Variants in HPSE2 observed in about 807,000 individuals in gnomAD.
HPSE2 encodes the protein inactive heparanase-2.
A neutral mutation model predicts 60.5 loss-of-function variants in HPSE2; 38 were observed. That is an observed-to-expected ratio of 0.63 (90% CI 0.48 to 0.82). HPSE2 has a LOEUF of 0.82. Among genes scored for constraint, HPSE2 ranks in the 40% least tolerant of loss-of-function variants. The pLI, the probability that HPSE2 is intolerant of heterozygous loss-of-function variation, is 0.00. For missense variants in HPSE2, 713 were observed against 740.4 expected (o/e 0.96, Z 0.43); for synonymous variants, 295 against 293.2 (o/e 1.01, Z -0.06).
chr10:99,093,847 C>T lies in HPSE2; in HGVS notation c.610+50391G>A, dbSNP rs184042009. On this transcript the variant is annotated intron_variant, in intron 3 of 11. Coordinates refer to ENST00000370552, the MANE Select transcript of HPSE2 (RefSeq NM_021828.5). ...TGCCTCTTAATCTATTTTTATTTATCCCATACCCTGCCTGTGTCCATCTCT... is the reference window on the plus strand; with the variant it reads ...TGCCTCTTAATCTATTTTTATTTATTCCATACCCTGCCTGTGTCCATCTCT... Among the ~76,000 whole-genome samples the T allele has an allele frequency of 3.3e-5, 5 of 151,926 alleles. No individual in the cohort carries two copies. In the East Asian group the frequency reaches 5.8e-4, roughly 18 times the overall value.
intron 5 of HPSE2, among the ~76,000 whole-genome samples, chr10:98,700,090 G>A (rs1183577005): frequency 2.0e-5 from 3 of 151,026 alleles, no homozygotes; most frequent in Non-Finnish European, 3.0e-5. Flanking sequence ...TAGATTCAAT[G>A]CCATCCCCAT....
intron 2 of HPSE2, among the ~76,000 whole-genome samples, chr10:99,158,747 TAAAA>T (rs1041022997): frequency 7.0e-6 from 1 of 142,462 alleles, no homozygotes; most frequent in African/African-American, 2.6e-5. Flanking sequence ...AAAGTATAAT[TAAAA>T]AAAAAAAGAA....
chr10:98,971,107 A>G (rs1031513616), intron 3 of HPSE2, among the ~76,000 whole-genome samples: 1 of 152,226 alleles, frequency 6.6e-6, no homozygotes, highest in African/African-American at 2.4e-5. Flanking sequence ...ATTACTGAAA[A>G]TAATTAGTTC....
chr10:98,911,703 G>T (rs2135023572), intron 3 of HPSE2, among the ~76,000 whole-genome samples: 1 of 152,202 alleles, frequency 6.6e-6, no homozygotes, highest in South Asian at 2.1e-4. Context: ...GCATTGAGTA[G>T]GGGGACATAC....
chr10:98,770,612 G>A (rs1458870248), intron 3 of HPSE2, among the ~76,000 whole-genome samples: 6 of 152,016 alleles, frequency 3.9e-5, no homozygotes, highest in African/African-American at 1.2e-4. Flanking sequence ...AATCATTTTT[G>A]GAAATGCCCT....
intron 3 of HPSE2, among the ~76,000 whole-genome samples, chr10:99,137,042 G>A (rs754464051): frequency 8.5e-5 from 13 of 152,140 alleles, no homozygotes; most frequent in Admixed American, 2.0e-4. Context: ...CTTCAGTAAG[G>A]TCTCAGGATA....
At chr10:98,821,704 C>T (rs1403249920) in intron 3 of HPSE2, among the ~76,000 whole-genome samples, 1 of 152,160 alleles carries the variant, frequency 6.6e-6, no homozygotes. Context: ...GGATTTTTAA[C>T]CTCCAGAGGG....
At chr10:98,712,504 T>A (rs1948699141) in intron 5 of HPSE2, among the ~76,000 whole-genome samples, 1 of 152,100 alleles carries the variant, frequency 6.6e-6, no homozygotes, top group Admixed American at 6.6e-5. Flanking sequence ...GAGGAAAAGA[T>A]GGAATCGATA....
At chr10:99,250,142 C>CA in the HPSE2 span, among the ~76,000 whole-genome samples, 43,880 of 136,368 alleles carry the variant, frequency 0.32, 9,622 homozygotes, top group African/African-American at 0.63. Flanking sequence ...AACTCCATCT[C>CA]AAAAAAAAAA....
chr10:99,025,637 G>A (rs1957361621), intron 3 of HPSE2, among the ~76,000 whole-genome samples: 1 of 152,112 alleles, frequency 6.6e-6, no homozygotes, highest in Non-Finnish European at 1.5e-5. Context: ...ACTTATAAGT[G>A]GGAGCTAAAT....
chr10:99,029,601 G>C (rs1386062261), intron 3 of HPSE2, among the ~76,000 whole-genome samples: 1 of 152,258 alleles, frequency 6.6e-6, no homozygotes, highest in Non-Finnish European at 1.5e-5. Flanking sequence ...CCAAGGCAGA[G>C]AGAGAGAGGA....
At chr10:98,871,146 TCGA>T (rs1273533745) in intron 3 of HPSE2, among the ~76,000 whole-genome samples, 7 of 152,128 alleles carry the variant, frequency 4.6e-5, no homozygotes, top group African/African-American at 1.2e-4. Context: ...TTACCCAGTC[TCGA>T]GTATTCCTTT....
rs1017805527 is a variant in HPSE2, at chr10:98,891,007, C to G, written c.611-146951G>C. Among the ~76,000 whole-genome samples the G allele has an allele frequency of 2.0e-5, 3 of 152,168 alleles. No homozygotes were observed. In the East Asian group the frequency reaches 5.8e-4, roughly 29 times the overall value. On this transcript the variant is annotated intron_variant, in intron 3 of 11. Coordinates refer to ENST00000370552, the MANE Select transcript of HPSE2 (RefSeq NM_021828.5). The stretch of plus-strand genomic sequence containing the variant: ...ATATCTTATTTTAATTTTATTGTCA[C>G]TATATTTTCTGATAGGTACTTTAAA...
chr10:98,721,701 A>T lies in HPSE2; in HGVS notation c.912T>A (p.Pro304=). ...RIYSRASLYG[P]NIGRPRKNVI... ...CATTCTTCCTCGGCCGCCCAATATT[A>T]GGGCCATATAAGCTGGCTCTGGAAT... Residue 304 remains proline, a synonymous_variant, in exon 5 of 12, where the codon CCT becomes CCA. Coordinates refer to ENST00000370552, the MANE Select transcript of HPSE2 (RefSeq NM_021828.5). 1 of 1,613,882 alleles carries T rather than the reference A, an allele frequency of 6.2e-7. No homozygotes were observed. Among genetic ancestry groups the T allele is most frequent in the Non-Finnish European group, 8.5e-7 (1 of 1,179,914 alleles).
Position 98,617,046 on chromosome 10 carries a change from T to C in HPSE2, c.1206-2028A>G, listed in dbSNP as rs74321542. ...TAGGGTCTATATCTAACAAGTATTTTAAAAGCAAATTGTCTTATTCAACTT... is the reference window on the plus strand; with the variant it reads ...TAGGGTCTATATCTAACAAGTATTTCAAAAGCAAATTGTCTTATTCAACTT... On this transcript the variant is annotated intron_variant, in intron 8 of 11. Coordinates refer to ENST00000370552, the MANE Select transcript of HPSE2 (RefSeq NM_021828.5). 8.0e-3 allele frequency among the ~76,000 whole-genome samples: 1,218 copies of C among 152,316 alleles called. 20 individuals are homozygous for C. Among genetic ancestry groups the C allele is most frequent in the African/African-American group, 0.027 (1,133 of 41,550 alleles).
chr10:98,874,204 T>C (rs1952811954), intron 3 of HPSE2, among the ~76,000 whole-genome samples: 1 of 152,036 alleles, frequency 6.6e-6, no homozygotes, highest in Non-Finnish European at 1.5e-5. Flanking sequence ...AGAAGTTCTT[T>C]AGTTTAATTA....
chr10:98,796,941 C>T (rs2095597), intron 3 of HPSE2, among the ~76,000 whole-genome samples: 51 of 152,228 alleles, frequency 3.4e-4, no homozygotes, highest in African/African-American at 3.6e-4. Context: ...GGTAGCTCTA[C>T]GAGTCTGCAA....
chr10:98,877,973 G>C (rs149485608), intron 3 of HPSE2, among the ~76,000 whole-genome samples: 2 of 151,998 alleles, frequency 1.3e-5, no homozygotes, highest in Non-Finnish European at 2.9e-5. Flanking sequence ...ACTTCAGGGA[G>C]AAATAAAATC....
At chr10:98,969,428 C>G (rs1158182071) in intron 3 of HPSE2, among the ~76,000 whole-genome samples, 1 of 152,154 alleles carries the variant, frequency 6.6e-6, no homozygotes, top group African/African-American at 2.4e-5. Flanking sequence ...AGGCCCAGTG[C>G]CAACTATTTT....
Sources: allele counts gnomAD v4.1 joint callset (sites outside exome capture counted in the v4.1 genomes callset), GRCh38; gene constraint gnomAD v4.1.1; transcripts MANE v1.5; gene names NCBI Gene and HGNC (gene_info 2026-07-23, HGNC 2026-07-21).